Variants in SH3BGRL2 observed in about 807,000 individuals in gnomAD.
The protein encoded by SH3BGRL2 is SH3 domain-binding glutamic acid-rich-like protein 2.
SH3BGRL2 carries 21 observed loss-of-function variants against 14.8 expected under a neutral mutation model. The observed-to-expected ratio is 1.42, with a 90% CI of 1.01 to 2.05. The LOEUF (loss-of-function observed/expected upper bound fraction) is 2.05. SH3BGRL2 is among the 30% of genes most tolerant of loss of function. SH3BGRL2 has a pLI of 0.00. For synonymous variants in SH3BGRL2, 50 were observed against 47.8 expected (o/e 1.05, Z -0.19); for missense variants, 147 against 130.8 (o/e 1.12, Z -0.61).
At chr6:79,568,761 G>C in the SH3BGRL2 span, among the ~76,000 whole-genome samples, 1 of 152,054 alleles carries the variant, frequency 6.6e-6, no homozygotes, top group Admixed American at 6.6e-5. Context: ...TTCTGTAGTA[G>C]GAATTTTATT....
the SH3BGRL2 span, among the ~76,000 whole-genome samples, chr6:79,537,879 T>C: frequency 6.6e-6 from 1 of 152,098 alleles, no homozygotes; most frequent in Non-Finnish European, 1.5e-5. Context: ...TTCAGGAGGA[T>C]GCGGGGTGAG....
At chr6:79,635,002 T>C (rs1029944680) in intron 1 of SH3BGRL2, among the ~76,000 whole-genome samples, 5 of 152,104 alleles carry the variant, frequency 3.3e-5, no homozygotes, top group African/African-American at 1.2e-4. Flanking sequence ...GAAAGAAGAC[T>C]GAAAGAAGCC....
chr6:79,619,140 A>G, the SH3BGRL2 span, among the ~76,000 whole-genome samples: 47 of 152,234 alleles, frequency 3.1e-4, no homozygotes, highest in Non-Finnish European at 6.2e-4. Flanking sequence ...AAACATGATT[A>G]GGAAAATCTA....
chr6:79,599,532 G>A, the SH3BGRL2 span, among the ~76,000 whole-genome samples: 64 of 152,056 alleles, frequency 4.2e-4, no homozygotes, highest in African/African-American at 1.4e-3. Context: ...TGCCATGCCC[G>A]GCTAATTTTT....
chr6:79,696,660 A>G (rs1222225776), intron 3 of SH3BGRL2, 95 bp downstream of exon 3: 4 of 871,120 alleles, frequency 4.6e-6, no homozygotes, highest in Non-Finnish European at 6.8e-6. Flanking sequence ...ATGCATATAT[A>G]ATTTCTTAGA....
chr6:79,674,067 G>A (rs906799713), intron 2 of SH3BGRL2, among the ~76,000 whole-genome samples: 1 of 150,860 alleles, frequency 6.6e-6, no homozygotes, highest in Non-Finnish European at 1.5e-5. Flanking sequence ...GGAAACAGAA[G>A]TAGGAAGGGA....
At chr6:79,640,006 G>A (rs145572823) in intron 1 of SH3BGRL2, among the ~76,000 whole-genome samples, 3 of 152,320 alleles carry the variant, frequency 2.0e-5, no homozygotes, top group African/African-American at 7.2e-5. Flanking sequence ...ATATACAGTT[G>A]TCTTTTGAGG....
chr6:79,587,474 T>C, the SH3BGRL2 span, among the ~76,000 whole-genome samples: 31 of 152,140 alleles, frequency 2.0e-4, no homozygotes, highest in Non-Finnish European at 3.2e-4. Flanking sequence ...ACAGAAAGTA[T>C]AAAATGAGCA....
At chr6:79,570,525 A>G in the SH3BGRL2 span, among the ~76,000 whole-genome samples, 2 of 152,256 alleles carry the variant, frequency 1.3e-5, no homozygotes, top group African/African-American at 4.8e-5. Context: ...TAACTTCTAA[A>G]GCAAATTCTT....
intron 1 of SH3BGRL2, among the ~76,000 whole-genome samples, chr6:79,662,659 G>A (rs1769576503): frequency 6.6e-6 from 1 of 152,076 alleles, no homozygotes; most frequent in Non-Finnish European, 1.5e-5. Context: ...TCTTTGTTGT[G>A]TTCTCTGTGT....
At chr6:79,658,140 A>G (rs1451025677) in intron 1 of SH3BGRL2, among the ~76,000 whole-genome samples, 1 of 152,020 alleles carries the variant, frequency 6.6e-6, no homozygotes, top group Non-Finnish European at 1.5e-5. Context: ...AAGTGATTGG[A>G]TTTATTTTAT....
At chr6:79,691,374 C>A (rs569493231) in intron 2 of SH3BGRL2, among the ~76,000 whole-genome samples, 3 of 150,682 alleles carry the variant, frequency 2.0e-5, no homozygotes, top group African/African-American at 7.3e-5. Flanking sequence ...TATTATTATA[C>A]TTTAAGTTTT....
At chr6:79,570,276 A>G in the SH3BGRL2 span, among the ~76,000 whole-genome samples, 3 of 152,172 alleles carry the variant, frequency 2.0e-5, no homozygotes, top group Non-Finnish European at 2.9e-5. Flanking sequence ...CAATTCTTAT[A>G]TCAAATAAAA....
At chr6:79,693,647 T>C (rs1276248432) in intron 2 of SH3BGRL2, among the ~76,000 whole-genome samples, 1 of 152,216 alleles carries the variant, frequency 6.6e-6, no homozygotes, top group Non-Finnish European at 1.5e-5. Context: ...TCTGTTTATA[T>C]GCTGGATTAC....
intron 1 of SH3BGRL2, among the ~76,000 whole-genome samples, chr6:79,644,215 T>G (rs1049039328): frequency 2.6e-5 from 4 of 152,104 alleles, no homozygotes; most frequent in Non-Finnish European, 5.9e-5. Flanking sequence ...GGTGTTCTTG[T>G]GAGTGGAAGG....
At chr6:79,697,953 C>A (rs973518885) in intron 3 of SH3BGRL2, among the ~76,000 whole-genome samples, 76 of 152,120 alleles carry the variant, frequency 5.0e-4, no homozygotes, top group African/African-American at 1.8e-3. Context: ...CTTCTTTATT[C>A]TTCAAAGAAA....
chr6:79,681,273 A>G (rs778237438), intron 2 of SH3BGRL2, among the ~76,000 whole-genome samples: 1 of 152,200 alleles, frequency 6.6e-6, no homozygotes, highest in Non-Finnish European at 1.5e-5. Flanking sequence ...TAACCTTTAT[A>G]TCATTTTCCA....
intron 2 of SH3BGRL2, 103 bp downstream of exon 2, chr6:79,673,902 C>G (rs1385814515): frequency 1.7e-6 from 2 of 1,178,378 alleles, no homozygotes; most frequent in Non-Finnish European, 2.4e-6. Context: ...GACTTCTTCA[C>G]CCAATGCCCA....
At chr6:79,607,887 A>G in the SH3BGRL2 span, among the ~76,000 whole-genome samples, 2 of 152,258 alleles carry the variant, frequency 1.3e-5, no homozygotes, top group African/African-American at 4.8e-5. Flanking sequence ...CAGAGGTTAC[A>G]GTGAGCCGAG....
Sources: gnomAD v4.1 joint callset for allele counts (sites outside exome capture counted in the v4.1 genomes callset) on GRCh38, gnomAD v4.1.1 for gene constraint, MANE v1.5 for transcripts, NCBI Gene and HGNC (gene_info 2026-07-23, HGNC 2026-07-21) for gene names.